Variants in PHACTR3 observed in about 807,000 individuals in gnomAD.
PHACTR3 encodes protein phosphatase 1, regulatory subunit 123.
PHACTR3 carries 16 observed loss-of-function variants against 66.8 expected under a neutral mutation model. That is an observed-to-expected ratio of 0.24 (90% CI 0.16 to 0.36). PHACTR3 has a LOEUF of 0.36. Among genes scored for constraint, PHACTR3 ranks in the 10% least tolerant of loss-of-function variants. The probability of loss-of-function intolerance (pLI) is 1.00; values close to 1 mark genes in which losing one functional copy is unlikely to be tolerated. For synonymous variants in PHACTR3, 323 were observed against 292.1 expected (o/e 1.11, Z -1.08); for missense variants, 647 against 719.9 (o/e 0.90, Z 1.16).
intron 1 of PHACTR3, among the ~76,000 whole-genome samples, chr20:59,677,989 C>T (rs1225789860): frequency 2.6e-5 from 4 of 152,164 alleles, no homozygotes; most frequent in African/African-American, 4.8e-5. Flanking sequence ...GTTCTGAAAA[C>T]GTACTGCCGT....
intron 9 of PHACTR3, among the ~76,000 whole-genome samples, chr20:59,838,195 C>T (rs2058997805): frequency 1.3e-5 from 2 of 152,130 alleles, no homozygotes. Context: ...GAGAATTTTA[C>T]TGCTAGGTTT....
rs550134286 is a variant in PHACTR3, at chr20:59,682,585, A to G, written c.119-60522A>G. Among the ~76,000 whole-genome samples the G allele has an allele frequency of 2.6e-5, 4 of 152,298 alleles. No homozygotes were observed. The East Asian group carries it at 5.8e-4, about 22-fold the overall frequency. ...ATGAACAGGAGAAGTAGGGGGAGGTAAGAGAAGGTATAAATGTGGTAGGCT... is the reference window on the plus strand; with the variant it reads ...ATGAACAGGAGAAGTAGGGGGAGGTGAGAGAAGGTATAAATGTGGTAGGCT... On this transcript the variant is annotated intron_variant, in intron 1 of 12. Transcript: ENST00000371015.
chr20:59,758,445 A>C (rs2039885675), intron 4 of PHACTR3, among the ~76,000 whole-genome samples: 1 of 152,204 alleles, frequency 6.6e-6, no homozygotes, highest in Non-Finnish European at 1.5e-5. Flanking sequence ...GTACAGAGGA[A>C]TGTCCAAAAT....
chr20:59,715,959 A>G (rs1379530234), intron 1 of PHACTR3, among the ~76,000 whole-genome samples: 2 of 152,210 alleles, frequency 1.3e-5, no homozygotes, highest in African/African-American at 4.8e-5. Flanking sequence ...AGTGAAACAC[A>G]CATGCCTGCC....
chr20:59,645,520 C>T (rs568962866), intron 1 of PHACTR3, among the ~76,000 whole-genome samples: 72 of 151,660 alleles, frequency 4.7e-4, no homozygotes, highest in African/African-American at 1.7e-3. Context: ...GAGGCTAAAG[C>T]GCTGGCCCCT....
intron 1 of PHACTR3, among the ~76,000 whole-genome samples, chr20:59,672,327 C>T (rs1325515332): frequency 6.6e-6 from 1 of 152,246 alleles, no homozygotes; most frequent in East Asian, 1.9e-4. Flanking sequence ...ACCTTCCTGC[C>T]TCCTCGAACC....
At chr20:59,827,204 G>A (rs1407132330) in intron 8 of PHACTR3, among the ~76,000 whole-genome samples, 1 of 152,172 alleles carries the variant, frequency 6.6e-6, no homozygotes, top group East Asian at 1.9e-4. Flanking sequence ...GGAGAGACTG[G>A]TGCTGGTGAC....
At chr20:59,585,162 G>A (rs1044402794) in intron 1 of PHACTR3, among the ~76,000 whole-genome samples, 8 of 152,140 alleles carry the variant, frequency 5.3e-5, no homozygotes, top group African/African-American at 9.7e-5. Context: ...TTCTGTCACC[G>A]CTTATGATCT....
At chr20:59,633,302 C>G (rs987920012) in intron 1 of PHACTR3, among the ~76,000 whole-genome samples, 10 of 152,164 alleles carry the variant, frequency 6.6e-5, no homozygotes, top group Non-Finnish European at 1.3e-4. Context: ...ACATATACAC[C>G]ATGGAATACT....
At chr20:59,686,236 T>C (rs1311708270) in intron 1 of PHACTR3, among the ~76,000 whole-genome samples, 1 of 152,208 alleles carries the variant, frequency 6.6e-6, no homozygotes, top group Non-Finnish European at 1.5e-5. Context: ...GCCAATAGCA[T>C]GGAGCTGGGG....
chr20:59,639,176 A>G (rs1364260960), intron 1 of PHACTR3, among the ~76,000 whole-genome samples: 1 of 151,778 alleles, frequency 6.6e-6, no homozygotes, highest in African/African-American at 2.4e-5. Flanking sequence ...CTGTGGATGG[A>G]TGGATGAGTG....
At chr20:59,813,786 G>C (rs1311821817) in intron 8 of PHACTR3, among the ~76,000 whole-genome samples, 4 of 152,082 alleles carry the variant, frequency 2.6e-5, no homozygotes, top group Non-Finnish European at 4.4e-5. Context: ...GGTCCAGGTG[G>C]TGGAGGCTCC....
At chr20:59,755,462 A>G (rs961462199) in intron 4 of PHACTR3, 98 bp downstream of exon 4, 39 of 1,326,016 alleles carry the variant, frequency 2.9e-5, no homozygotes, top group Middle Eastern at 2.2e-4. Context: ...GCCCTCGTAG[A>G]ACATTGTTCT....
At chr20:59,832,744 A>T (rs924730663) in intron 8 of PHACTR3, among the ~76,000 whole-genome samples, 2 of 152,008 alleles carry the variant, frequency 1.3e-5, no homozygotes, top group African/African-American at 4.8e-5. Flanking sequence ...CGGTGCACAC[A>T]CACCTCCATG....
intron 1 of PHACTR3, among the ~76,000 whole-genome samples, chr20:59,630,047 G>T (rs2034609334): frequency 1.3e-5 from 2 of 152,178 alleles, no homozygotes; most frequent in African/African-American, 2.4e-5. Context: ...TGTCCTGGTG[G>T]TTGCCACTTT....
At chr20:59,679,476 G>A (rs1431818628) in intron 1 of PHACTR3, among the ~76,000 whole-genome samples, 1 of 152,080 alleles carries the variant, frequency 6.6e-6, no homozygotes, top group Admixed American at 6.5e-5. Flanking sequence ...GTATTAACAT[G>A]GCAAACACAA....
At chr20:59,716,671 C>G (rs1228170911) in intron 1 of PHACTR3, among the ~76,000 whole-genome samples, 1 of 152,174 alleles carries the variant, frequency 6.6e-6, no homozygotes, top group Non-Finnish European at 1.5e-5. Context: ...GCTCTTCTCT[C>G]CTAGCATTTA....
At chr20:59,733,562 T>A (rs1023125463) in intron 1 of PHACTR3, among the ~76,000 whole-genome samples, 1 of 152,142 alleles carries the variant, frequency 6.6e-6, no homozygotes, top group African/African-American at 2.4e-5. Flanking sequence ...TAGACAGCAG[T>A]GTTATCATCT....
chr20:59,664,894 G>A (rs75100414), intron 1 of PHACTR3, among the ~76,000 whole-genome samples: 3,756 of 152,230 alleles, frequency 0.025, 63 homozygotes, highest in Middle Eastern at 0.058. Context: ...ATACCCGTGC[G>A]GTATCCATTG....
Sources: allele counts gnomAD v4.1 joint callset (sites outside exome capture counted in the v4.1 genomes callset), GRCh38; gene constraint gnomAD v4.1.1; transcripts MANE v1.5; gene names NCBI Gene and HGNC (gene_info 2026-07-23, HGNC 2026-07-21).